Variants in UVRAG observed in about 807,000 individuals in gnomAD.
UVRAG encodes the protein UV radiation resistance-associated gene protein.
In UVRAG, 19 loss-of-function variants were observed where a neutral mutation model predicts 78.0. The observed-to-expected ratio is 0.24, with a 90% CI of 0.17 to 0.36. The LOEUF (loss-of-function observed/expected upper bound fraction) is 0.36, where lower values mean the gene tolerates loss of function less well. UVRAG is among the 10% of genes least tolerant of loss of function. The pLI is 1.00. For synonymous variants in UVRAG, 323 were observed against 324.6 expected (o/e 1.00, Z 0.05); for missense variants, 740 against 853.8 (o/e 0.87, Z 1.66).
intron 6 of UVRAG, among the ~76,000 whole-genome samples, chr11:75,920,461 A>G (rs542705529): frequency 6.6e-5 from 10 of 152,348 alleles, no homozygotes; most frequent in African/African-American, 2.4e-4. Context: ...ACATAAAGAC[A>G]CACATATACA....
chr11:76,049,799 C>G (rs1471540660), intron 12 of UVRAG, among the ~76,000 whole-genome samples: 1 of 152,132 alleles, frequency 6.6e-6, no homozygotes, highest in Non-Finnish European at 1.5e-5. Flanking sequence ...AAGGAATAAA[C>G]AAGCAACTAC....
chr11:75,979,859 C>T (rs545782546), intron 7 of UVRAG: 2 of 152,372 alleles, frequency 1.3e-5, no homozygotes, highest in African/African-American at 4.8e-5. Flanking sequence ...GATGCCTTGC[C>T]CTGCTTTGGC....
rs150046572 is a variant in UVRAG at position 75,997,636 on chromosome 11, T to C, written c.827-6369T>C. The stretch of plus-strand genomic sequence containing the variant: ...ATGGTAGAAACAAAAGAGGATGTCA[T>C]TGGGATAGCAAAGGTTTTGGCACAG... On this transcript the variant is annotated intron_variant, in intron 8 of 14. Coordinates refer to ENST00000356136, the MANE Select transcript of UVRAG (RefSeq NM_003369.4). 4.4e-3 allele frequency among the ~76,000 whole-genome samples: 667 copies of C among 152,254 alleles called. 5 individuals carry two copies. Among genetic ancestry groups the C allele is most frequent in the African/African-American group, 0.015 (643 of 41,538 alleles).
At chr11:75,895,625 C>CA (rs1947326736) in intron 5 of UVRAG, among the ~76,000 whole-genome samples, 1 of 149,206 alleles carries the variant, frequency 6.7e-6, no homozygotes, top group African/African-American at 2.5e-5. Context: ...ACAAATGTGG[C>CA]ACTCTGTTTT....
At chr11:76,015,288 G>A (rs1211726685) in intron 11 of UVRAG, among the ~76,000 whole-genome samples, 2 of 152,122 alleles carry the variant, frequency 1.3e-5, no homozygotes, top group Non-Finnish European at 2.9e-5. Context: ...GATTGCTCGA[G>A]CCCAGGAGTT....
At chr11:76,090,280 G>T (rs1951672298) in intron 13 of UVRAG, among the ~76,000 whole-genome samples, 1 of 152,126 alleles carries the variant, frequency 6.6e-6, no homozygotes, top group South Asian at 2.1e-4. Context: ...TAAATGTTAA[G>T]TCTCTACCCC....
chr11:75,905,772 G>C (rs755150900), intron 5 of UVRAG, among the ~76,000 whole-genome samples: 5 of 152,038 alleles, frequency 3.3e-5, no homozygotes, highest in Non-Finnish European at 5.9e-5. Context: ...GTGAACATTT[G>C]TGTACAACTG....
rs111277157 is a variant in UVRAG, at chr11:76,085,440, C to T, written c.1305+19652C>T. On this transcript the variant is annotated intron_variant, in intron 13 of 14. Coordinates refer to ENST00000356136, the MANE Select transcript of UVRAG (RefSeq NM_003369.4). ...GTCCATAGAGCTTGTTGTCAGTCTG[C>T]AGTAAGATAAGGAAATTGTACCAAA... is the stretch of plus-strand genomic sequence containing the variant. 1.7e-3 allele frequency among the ~76,000 whole-genome samples: 263 copies of T among 152,270 alleles called. 1 individual carries two copies. Among genetic ancestry groups the T allele is most frequent in the African/African-American group, 6.1e-3 (252 of 41,540 alleles).
chr11:75,914,935 G>A (rs1339313845), intron 6 of UVRAG, among the ~76,000 whole-genome samples: 1 of 151,966 alleles, frequency 6.6e-6, no homozygotes. Context: ...AAGGACTTTG[G>A]AGCACCTAAA....
intron 5 of UVRAG, among the ~76,000 whole-genome samples, chr11:75,900,485 T>C (rs534797044): frequency 2.5e-4 from 38 of 152,334 alleles, no homozygotes; most frequent in Non-Finnish European, 4.7e-4. Flanking sequence ...CATCCTTTCT[T>C]CCTATTAGGG....
intron 13 of UVRAG, among the ~76,000 whole-genome samples, chr11:76,097,325 A>G (rs1338923239): frequency 6.6e-6 from 1 of 152,126 alleles, no homozygotes; most frequent in Non-Finnish European, 1.5e-5. Flanking sequence ...TGTCTCCACC[A>G]GGCCACACCA....
intron 5 of UVRAG, among the ~76,000 whole-genome samples, chr11:75,898,581 A>G (rs1285237699): frequency 1.3e-5 from 2 of 152,164 alleles, no homozygotes; most frequent in East Asian, 3.9e-4. Context: ...ATCAGAACAC[A>G]TCTCTCCCTC....
intron 7 of UVRAG, among the ~76,000 whole-genome samples, chr11:75,977,993 T>G (rs1469006390): frequency 6.6e-6 from 1 of 152,232 alleles, no homozygotes; most frequent in Non-Finnish European, 1.5e-5. Context: ...GGCATGTTTT[T>G]GCAGTGGCTG....
chr11:75,827,221 G>A, intron 1 of UVRAG, among the ~76,000 whole-genome samples: 1 of 150,744 alleles, frequency 6.6e-6, no homozygotes. Flanking sequence ...TTTTTCTCCA[G>A]GAAAAATTTT....
chr11:76,000,694 C>T (rs1015144021), intron 8 of UVRAG, among the ~76,000 whole-genome samples: 1 of 151,728 alleles, frequency 6.6e-6, no homozygotes, highest in Non-Finnish European at 1.5e-5. Flanking sequence ...ATGCAAATAA[C>T]AGTCAAAAGA....
chr11:75,918,967 C>G (rs1947918714), intron 6 of UVRAG, among the ~76,000 whole-genome samples: 1 of 152,186 alleles, frequency 6.6e-6, no homozygotes, highest in South Asian at 2.1e-4. Flanking sequence ...GATTTTGTGA[C>G]TTTCAATCCA....
At chr11:76,123,892 A>G (rs888772007) in intron 14 of UVRAG, among the ~76,000 whole-genome samples, 18 of 152,114 alleles carry the variant, frequency 1.2e-4, no homozygotes, top group African/African-American at 4.3e-4. Context: ...CAGCCTCCCC[A>G]GTAGCTGGGA....
chr11:76,084,444 T>A (rs1040456699), intron 13 of UVRAG, among the ~76,000 whole-genome samples: 1 of 152,190 alleles, frequency 6.6e-6, no homozygotes, highest in Non-Finnish European at 1.5e-5. Flanking sequence ...TTTATTATCA[T>A]GTTGTCATTT....
chr11:75,888,234 G>A (rs749408282), intron 4 of UVRAG, among the ~76,000 whole-genome samples: 5 of 151,798 alleles, frequency 3.3e-5, no homozygotes, highest in African/African-American at 4.8e-5. Flanking sequence ...CTCAGGCTCC[G>A]GCAGTCCTCC....
Sources: gnomAD v4.1 joint callset for allele counts (sites outside exome capture counted in the v4.1 genomes callset) on GRCh38, gnomAD v4.1.1 for gene constraint, MANE v1.5 for transcripts, NCBI Gene and HGNC (gene_info 2026-07-23, HGNC 2026-07-21) for gene names.